The following HIBADH variants were observed in gnomAD, a reference collection of about 807,000 sequenced individuals.
The protein encoded by HIBADH is 3-hydroxyisobutyrate dehydrogenase, mitochondrial.
Under a neutral mutation model 36.1 loss-of-function variants are expected in HIBADH, and 25 were observed. That is an observed-to-expected ratio of 0.69 (90% CI 0.50 to 0.97). The LOEUF (loss-of-function observed/expected upper bound fraction) is 0.97, where lower values mean the gene tolerates loss of function less well. HIBADH is among the 50% of genes least tolerant of loss of function. HIBADH has a pLI of 0.00. For synonymous variants in HIBADH, 160 were observed against 149.5 expected, an observed-to-expected ratio of 1.07 and a Z score of -0.51; for missense variants, 421 against 418.0, an observed-to-expected ratio of 1.01 and a Z score of -0.06.
Position 27,649,567 on chromosome 7 carries a change from G to A in HIBADH, c.158C>T (p.Pro53Leu). ...GFIGLGNMGN[P>L]MAKNLMKHGY... Reference sequence around the variant, plus strand: ...ATGTTTCATGAGATTTTTTGCCATTGGATTCCCCATGTTGCCCAGTCCAAT... The same window carrying A: ...ATGTTTCATGAGATTTTTTGCCATTAGATTCCCCATGTTGCCCAGTCCAAT... Residue 53 changes from proline to leucine, a missense_variant, in exon 2 of 8, where the codon CCA (proline) becomes CTA (leucine). Pro to Leu is a moderately conservative substitution (Grantham distance 98, BLOSUM62 -3). Coordinates refer to ENST00000265395, the MANE Select transcript of HIBADH (RefSeq NM_152740.4). 2.5e-6 allele frequency: 4 copies of A among 1,613,850 alleles called. No homozygotes were observed. The South Asian group carries it at 4.4e-5, about 18-fold the overall frequency.
At chr7:27,644,598 T>TAAA (rs1242201552) in intron 2 of HIBADH, among the ~76,000 whole-genome samples, 1 of 19,584 alleles carries the variant, frequency 5.1e-5, no homozygotes. Flanking sequence ...AGACTCCATC[T>TAAA]CAAAAAAAAA....
intron 4 of HIBADH, among the ~76,000 whole-genome samples, chr7:27,606,023 A>C (rs1343030956): frequency 3.9e-5 from 6 of 152,204 alleles, no homozygotes; most frequent in African/African-American, 1.4e-4. Context: ...GATCATTTTC[A>C]TTTCAAAAAT....
At chr7:27,572,188 C>T (rs1218657703) in intron 4 of HIBADH, among the ~76,000 whole-genome samples, 1 of 152,192 alleles carries the variant, frequency 6.6e-6, no homozygotes, top group Admixed American at 6.5e-5. Context: ...TCAGCCAGAG[C>T]TTCTGGCTTT....
At chr7:27,645,368 A>ATGGTTT (rs1554300959) in intron 2 of HIBADH, among the ~76,000 whole-genome samples, 6 of 59,652 alleles carry the variant, frequency 1.0e-4, no homozygotes, top group African/African-American at 3.2e-4. Context: ...CATGGTTTTG[A>ATGGTTT]TTTTTTTTTT....
chr7:27,637,502 G>A (rs1366851180), intron 2 of HIBADH, among the ~76,000 whole-genome samples: 3 of 152,128 alleles, frequency 2.0e-5, no homozygotes, highest in African/African-American at 7.2e-5. Context: ...ATACTGAATG[G>A]GCAAAAGGTA....
At chr7:27,585,481 A>T (rs1169060863) in intron 4 of HIBADH, among the ~76,000 whole-genome samples, 3 of 152,134 alleles carry the variant, frequency 2.0e-5, no homozygotes, top group African/African-American at 7.2e-5. Context: ...TGACTGCCAC[A>T]AAGACTGGGT....
At chr7:27,582,844 T>C (rs1016409679) in intron 4 of HIBADH, among the ~76,000 whole-genome samples, 1 of 152,172 alleles carries the variant, frequency 6.6e-6, no homozygotes, top group Non-Finnish European at 1.5e-5. Context: ...GAATTAGCTC[T>C]ACCTCTACAA....
intron 4 of HIBADH, among the ~76,000 whole-genome samples, chr7:27,572,115 GT>G (rs1466454386): frequency 6.6e-6 from 1 of 152,110 alleles, no homozygotes; most frequent in Non-Finnish European, 1.5e-5. Context: ...CCCCATGATT[GT>G]TTTACTCACA....
chr7:27,563,995 T>G (rs1360939434), intron 4 of HIBADH, among the ~76,000 whole-genome samples: 1 of 150,834 alleles, frequency 6.6e-6, no homozygotes, highest in African/African-American at 2.4e-5. Context: ...GCCTCCCGGA[T>G]TCACGCCATT....
chr7:27,578,087 ATAGTT>A (rs1784739821), intron 4 of HIBADH, among the ~76,000 whole-genome samples: 1 of 152,228 alleles, frequency 6.6e-6, no homozygotes. Flanking sequence ...AAATCATTAA[ATAGTT>A]TAGAGAGTTC....
chr7:27,662,691 T>C lies in HIBADH; in HGVS notation c.91+7A>G. ...AGGACAAGGGGGAGGAGGCGTGAGG[T>C]CCTTACCCGCTGCAAAGCTGCCGGC... On this transcript the variant is annotated splice_region_variant and intron_variant, in intron 1 of 7. Coordinates refer to ENST00000265395, the MANE Select transcript of HIBADH (RefSeq NM_152740.4). 7.5e-7 allele frequency: 1 copy of C among 1,340,052 alleles called. No homozygotes were observed. Among genetic ancestry groups the C allele is most frequent in the South Asian group, 1.9e-5 (1 of 53,482 alleles). The allele number at this position is 1,340,052 out of a possible 1,614,324, so 83.0% of individuals were successfully genotyped here.
chr7:27,652,221 T>C (rs2128297350), intron 1 of HIBADH, among the ~76,000 whole-genome samples: 1 of 152,290 alleles, frequency 6.6e-6, no homozygotes, highest in South Asian at 2.1e-4. Flanking sequence ...ACATTCTAAT[T>C]CTAGAGTCTC....
intron 4 of HIBADH, among the ~76,000 whole-genome samples, chr7:27,597,045 G>A (rs1785044561): frequency 6.6e-6 from 1 of 151,502 alleles, no homozygotes; most frequent in African/African-American, 2.4e-5. Flanking sequence ...AAAAGTAGAT[G>A]TAGAGAGTCT....
rs1784025582 is a variant in HIBADH at position 27,533,118 on chromosome 7, AAGC to A, written c.696-1773_696-1771del. 2.0e-5 allele frequency among the ~76,000 whole-genome samples: 3 copies of A among 152,296 alleles called. No homozygotes were observed. In the South Asian group the frequency reaches 6.2e-4, roughly 32 times the overall value. The stretch of plus-strand genomic sequence containing the variant: ...CTTTTAAGATGGTTCATCATATTTA[AAGC>A]AGCAGAATTCCTTCCTTCTTTCTAA... On this transcript the variant is annotated intron_variant, in intron 6 of 7. Transcript: ENST00000265395.
At position 27,620,951 on chromosome 7, in the gene HIBADH, A is replaced by T. The variant is rs931580688; in HGVS notation, c.484+8420T>A. Reference sequence around the variant, plus strand: ...AGATACATAAAGGTTGAATGGATTTAAAAAAAAAAACAATCCAACTGCTTA... The same window carrying T: ...AGATACATAAAGGTTGAATGGATTTTAAAAAAAAAACAATCCAACTGCTTA... On this transcript the variant is annotated intron_variant, in intron 4 of 7. Transcript: ENST00000265395. Among the ~76,000 whole-genome samples, 20 of 145,758 alleles carry T rather than the reference A, an allele frequency of 1.4e-4. No homozygotes were observed. In the East Asian group the frequency reaches 1.4e-3, roughly 10 times the overall value.
intron 4 of HIBADH, among the ~76,000 whole-genome samples, chr7:27,590,773 C>T (rs1039142906): frequency 6.6e-6 from 1 of 152,130 alleles, no homozygotes; most frequent in African/African-American, 2.4e-5. Context: ...AAAGTTTGGT[C>T]ATAATATTAG....
chr7:27,658,275 G>A (rs962616832), intron 1 of HIBADH, among the ~76,000 whole-genome samples: 3 of 152,120 alleles, frequency 2.0e-5, no homozygotes, highest in African/African-American at 7.2e-5. Flanking sequence ...GGAAAAAGTA[G>A]AGTTAAAACA....
At chr7:27,603,493 TG>T (rs1221453425) in intron 4 of HIBADH, among the ~76,000 whole-genome samples, 1 of 152,124 alleles carries the variant, frequency 6.6e-6, no homozygotes, top group East Asian at 1.9e-4. Flanking sequence ...ATATTACACA[TG>T]CAGATACAGT....
chr7:27,642,501 T>C (rs373456413), intron 2 of HIBADH, among the ~76,000 whole-genome samples: 2 of 152,318 alleles, frequency 1.3e-5, no homozygotes, highest in South Asian at 2.1e-4. Flanking sequence ...ATTTGGTAGT[T>C]ACTCAAGCTA....
Sources: gnomAD v4.1 joint callset for allele counts (sites outside exome capture counted in the v4.1 genomes callset) on GRCh38, gnomAD v4.1.1 for gene constraint, MANE v1.5 for transcripts, NCBI Gene and HGNC (gene_info 2026-07-23, HGNC 2026-07-21) for gene names.